The following MBD5 variants were observed in gnomAD, a reference collection of about 807,000 sequenced individuals.
MBD5 encodes methyl-CpG binding domain protein 5, also known as methyl-CpG-binding domain protein 5.
In MBD5, 13 loss-of-function variants were observed where a neutral mutation model predicts 117.3. That is an observed-to-expected ratio of 0.11 (90% CI 0.07 to 0.18). The LOEUF (loss-of-function observed/expected upper bound fraction) is 0.18. Ranked by LOEUF, MBD5 falls within the 10% of genes least tolerant of loss-of-function variation. The pLI is 1.00. For synonymous variants in MBD5, 727 were observed against 766.4 expected, an observed-to-expected ratio of 0.95 and a Z score of 0.85; for missense variants, 1,879 against 2,093.8, an observed-to-expected ratio of 0.90 and a Z score of 2.00.
chr2:148,439,124 A>G (rs1706241298), intron 4 of MBD5, among the ~76,000 whole-genome samples: 1 of 152,222 alleles, frequency 6.6e-6, no homozygotes, highest in Non-Finnish European at 1.5e-5. Context: ...TATCTGACGT[A>G]CAAGTGAAAA....
At chr2:148,128,688 G>A (rs1164518245) in intron 1 of MBD5, among the ~76,000 whole-genome samples, 1 of 152,126 alleles carries the variant, frequency 6.6e-6, no homozygotes, top group Non-Finnish European at 1.5e-5. Context: ...TACAATATAT[G>A]CCTTACTCAA....
intron 2 of MBD5, among the ~76,000 whole-genome samples, chr2:148,196,694 G>A (rs1698997305): frequency 6.6e-6 from 1 of 152,022 alleles, no homozygotes; most frequent in African/African-American, 2.4e-5. Flanking sequence ...TTACCAAATG[G>A]GAAATCCGTG....
chr2:148,321,876 C>T (rs2602357), intron 3 of MBD5, among the ~76,000 whole-genome samples: 41,688 of 151,892 alleles, frequency 0.27, 6,484 homozygotes, highest in Admixed American at 0.37. Flanking sequence ...ATATGAGCTG[C>T]CACCCCCAGC....
intron 1 of MBD5, among the ~76,000 whole-genome samples, chr2:148,087,219 A>C (rs1366354577): frequency 1.3e-5 from 2 of 152,202 alleles, no homozygotes; most frequent in Non-Finnish European, 2.9e-5. Flanking sequence ...ACTGGCAAAA[A>C]ACTCTGGTGC....
intron 3 of MBD5, among the ~76,000 whole-genome samples, chr2:148,272,251 T>C (rs1169253477): frequency 2.0e-5 from 3 of 152,232 alleles, no homozygotes; most frequent in East Asian, 3.8e-4. Flanking sequence ...ACAGTGATCA[T>C]TGGAATGCAG....
chr2:148,353,358 C>T (rs1296511555), intron 4 of MBD5, among the ~76,000 whole-genome samples: 1 of 152,094 alleles, frequency 6.6e-6, no homozygotes, highest in African/African-American at 2.4e-5. Context: ...GGTCCTTTGG[C>T]CCAAATTTTC....
At chr2:148,175,882 A>C (rs1019576341) in intron 1 of MBD5, among the ~76,000 whole-genome samples, 1 of 152,228 alleles carries the variant, frequency 6.6e-6, no homozygotes, top group Non-Finnish European at 1.5e-5. Context: ...AGAACTCAGT[A>C]AATGTTAGCT....
At chr2:148,214,535 T>G (rs1384610838) in intron 2 of MBD5, among the ~76,000 whole-genome samples, 1 of 152,168 alleles carries the variant, frequency 6.6e-6, no homozygotes, top group Non-Finnish European at 1.5e-5. Context: ...TGTAATTCAT[T>G]CTTAAATTTC....
intron 3 of MBD5, among the ~76,000 whole-genome samples, chr2:148,276,832 A>G (rs1701125064): frequency 6.6e-6 from 1 of 152,120 alleles, no homozygotes; most frequent in Non-Finnish European, 1.5e-5. Context: ...TTTTATATGT[A>G]TGATGACTTT....
At chr2:148,426,461 C>T (rs1402400910) in intron 4 of MBD5, among the ~76,000 whole-genome samples, 1 of 151,798 alleles carries the variant, frequency 6.6e-6, no homozygotes, top group Non-Finnish European at 1.5e-5. Flanking sequence ...GAGATATAGA[C>T]CAATGGAGCA....
chr2:148,485,887 A>G lies in MBD5; in HGVS notation c.3690A>G (p.Gly1230=), dbSNP rs139379552. The G allele has an allele frequency of 6.7e-5, 108 of 1,613,996 alleles. No individual in the cohort carries two copies. Among genetic ancestry groups the G allele is most frequent in the Admixed American group, 1.2e-4 (7 of 60,004 alleles). Residue 1230 remains glycine, a synonymous_variant, in exon 10 of 14, where the codon GGA becomes GGG. Coordinates refer to ENST00000642680, the MANE Select transcript of MBD5 (RefSeq NM_001378120.1). The stretch of plus-strand genomic sequence containing the variant: ...ACCAGAATCTCCAGGCGTTCCAAGG[A>G]CAGTCCACAATTCCTTGCCCAGCTA... ...QGYQNLQAFQ[G]QSTIPCPANN...
intron 4 of MBD5, among the ~76,000 whole-genome samples, chr2:148,376,883 A>G (rs1171585141): frequency 7.1e-6 from 1 of 141,824 alleles, no homozygotes; most frequent in Non-Finnish European, 1.5e-5. Context: ...TATATTATAT[A>G]TAATTATATT....
chr2:148,053,756 T>C (rs1209911883), intron 1 of MBD5, among the ~76,000 whole-genome samples: 1 of 152,138 alleles, frequency 6.6e-6, no homozygotes, highest in African/African-American at 2.4e-5. Flanking sequence ...AAGCATTCTA[T>C]TTAAATGTAT....
chr2:148,439,423 T>G (rs914688768), intron 4 of MBD5, among the ~76,000 whole-genome samples: 2 of 152,172 alleles, frequency 1.3e-5, no homozygotes, highest in Non-Finnish European at 2.9e-5. Flanking sequence ...TAAAGAAAGT[T>G]TTCTTGCTTA....
rs1031872226 is a variant in MBD5 at position 148,400,342 on chromosome 2, A to G, written c.-556-57861A>G. ...GGTTAGCACCTAAGACAGAGCAGGAATGTTAATTCTCTATTACCAGTGCTT... is the reference window on the plus strand; with the variant it reads ...GGTTAGCACCTAAGACAGAGCAGGAGTGTTAATTCTCTATTACCAGTGCTT... On this transcript the variant is annotated intron_variant, in intron 4 of 13. Coordinates refer to ENST00000642680, the MANE Select transcript of MBD5 (RefSeq NM_001378120.1). 4.6e-5 allele frequency among the ~76,000 whole-genome samples: 7 copies of G among 152,306 alleles called. 1 individual carries two copies. Among genetic ancestry groups the G allele is most frequent in the Admixed American group, 1.3e-4 (2 of 15,302 alleles).
intron 1 of MBD5, among the ~76,000 whole-genome samples, chr2:148,170,199 G>A (rs1252063730): frequency 6.6e-6 from 1 of 152,112 alleles, no homozygotes; most frequent in Non-Finnish European, 1.5e-5. Flanking sequence ...GCCCGGCCCG[G>A]GATTCTTCTT....
chr2:148,299,742 G>C (rs1281422024), intron 3 of MBD5, among the ~76,000 whole-genome samples: 1 of 152,152 alleles, frequency 6.6e-6, no homozygotes, highest in East Asian at 1.9e-4. Context: ...GAGTTAACAA[G>C]TTTCTATTAT....
intron 1 of MBD5, among the ~76,000 whole-genome samples, chr2:148,176,908 C>G (rs112995857): frequency 6.6e-5 from 10 of 151,492 alleles, no homozygotes; most frequent in African/African-American, 2.2e-4. Context: ...TCTGAGCCAT[C>G]AAGGGCATGT....
At chr2:148,100,115 G>A (rs1696168097) in intron 1 of MBD5, among the ~76,000 whole-genome samples, 1 of 152,110 alleles carries the variant, frequency 6.6e-6, no homozygotes, top group African/African-American at 2.4e-5. Context: ...GACATTTCGA[G>A]TGAGACCTAA....
Sources: gnomAD v4.1 joint callset for allele counts (sites outside exome capture counted in the v4.1 genomes callset) on GRCh38, gnomAD v4.1.1 for gene constraint, MANE v1.5 for transcripts, NCBI Gene and HGNC (gene_info 2026-07-23, HGNC 2026-07-21) for gene names.